Variants in NFILZ observed in about 807,000 individuals in gnomAD.
NFILZ encodes the protein NFIL3 like protein.
At chr19:8,663,748 G>GTATA (rs1227521950) in intron 3 of NFILZ, among the ~76,000 whole-genome samples, 2 of 139,376 alleles carry the variant, frequency 1.4e-5, no homozygotes, top group Non-Finnish European at 3.1e-5. Context: ...GTGTGTGTGT[G>GTATA]TGTGTGTGTG....
At chr19:8,663,754 G>GTGTGTGTGTGTGTGTATGTGTGTGTA (rs2043047836) in intron 3 of NFILZ, among the ~76,000 whole-genome samples, 29 of 117,562 alleles carry the variant, frequency 2.5e-4, no homozygotes, top group Admixed American at 1.0e-3. Context: ...GTGTGTGTGT[G>GTGTGTGTGTGTGTGTATGTGTGTGTA]TGTGTGTGTG....
chr19:8,652,934 TTC>T (rs1206933496), intron 3 of NFILZ, among the ~76,000 whole-genome samples: 2 of 144,774 alleles, frequency 1.4e-5, no homozygotes, highest in South Asian at 2.2e-4. Flanking sequence ...CTCTCTCTCT[TTC>T]TCTCTTTCTC....
intron 3 of NFILZ, among the ~76,000 whole-genome samples, chr19:8,651,438 C>T (rs1246011161): frequency 1.3e-5 from 2 of 151,318 alleles, no homozygotes; most frequent in Admixed American, 1.3e-4. Flanking sequence ...CTGGGATTAC[C>T]GGCGTGAGCC....
chr19:8,672,998 G>A (rs1365202150), intron 3 of NFILZ, among the ~76,000 whole-genome samples: 1 of 152,118 alleles, frequency 6.6e-6, no homozygotes, highest in South Asian at 2.1e-4. Context: ...GCCCAGGTGG[G>A]ATAGAAAATG....
intron 3 of NFILZ, among the ~76,000 whole-genome samples, chr19:8,657,334 C>T (rs1254961002): frequency 6.6e-6 from 1 of 151,810 alleles, no homozygotes; most frequent in Non-Finnish European, 1.5e-5. Flanking sequence ...GATCTCCTGA[C>T]CTCGTGATCC....
In NFILZ at chr19:8,634,812, C is replaced by T. The variant is rs552182140; in HGVS notation, c.-260-838C>T. Among the ~76,000 whole-genome samples the T allele has an allele frequency of 1.1e-4, 17 of 151,996 alleles. No individual in the cohort carries two copies. In the East Asian group the frequency reaches 3.1e-3, roughly 28 times the overall value. ...GGAGGATCACTTGAATCCGGGAAGTCGAGGCTGCATCAAGCCAAGATGGCC... is the reference window on the plus strand; with the variant it reads ...GGAGGATCACTTGAATCCGGGAAGTTGAGGCTGCATCAAGCCAAGATGGCC... On this transcript the variant is annotated intron_variant, in intron 2 of 5. Coordinates refer to ENST00000691075, the MANE Select transcript of NFILZ (RefSeq NM_001378600.1).
chr19:8,679,120 C>A lies in NFILZ; in HGVS notation c.*1485C>A, dbSNP rs2164983. Among the ~76,000 whole-genome samples, 28,591 of 151,570 alleles carry A rather than the reference C, an allele frequency of 0.19. 2,909 individuals carry two copies. The highest frequency in any genetic ancestry group is 0.24 in the Admixed American group (3,610 of 15,232). On this transcript the variant is annotated 3_prime_UTR_variant, in exon 6 of 6. Coordinates refer to ENST00000691075, the MANE Select transcript of NFILZ (RefSeq NM_001378600.1). ...CTGTGTGAGGGCATCAGTGTCCTCT[C>A]TCTCCCTGGCTGCCCCCTGCCCCTG...
Position 8,678,197 on chromosome 19 carries a change from C to CATCCACT in NFILZ, c.*562_*563insATCCACT, listed in dbSNP as rs1600158322. On this transcript the variant is annotated 3_prime_UTR_variant, in exon 6 of 6. Coordinates refer to ENST00000691075, the MANE Select transcript of NFILZ (RefSeq NM_001378600.1). ...TCCATCCATCCATCCATCCGTCCAT[C>CATCCACT]TATCCATCCATCCATTCATCCATCC... is the stretch of plus-strand genomic sequence containing the variant. 1.3e-5 allele frequency among the ~76,000 whole-genome samples: 1 copy of CATCCACT among 79,476 alleles called. No individual in the cohort carries two copies. The allele number at this position is 79,476 out of a possible 152,430, so 52.1% of individuals were successfully genotyped here.
At chr19:8,636,239 G>T (rs992462348) in intron 3 of NFILZ, among the ~76,000 whole-genome samples, 1 of 151,248 alleles carries the variant, frequency 6.6e-6, no homozygotes, top group African/African-American at 2.4e-5. Context: ...CACGGGGTCA[G>T]GAGTTCGAGA....
chr19:8,641,222 G>GC (rs1465529545), intron 3 of NFILZ, among the ~76,000 whole-genome samples: 1 of 147,376 alleles, frequency 6.8e-6, no homozygotes. Flanking sequence ...ACTAATGTTT[G>GC]TTTTTTTTTT....
chr19:8,663,746 G>GTATGTGTGTGTA (rs1555674956), intron 3 of NFILZ, among the ~76,000 whole-genome samples: 4 of 51,890 alleles, frequency 7.7e-5, no homozygotes, highest in Non-Finnish European at 1.3e-4. Flanking sequence ...GTGTGTGTGT[G>GTATGTGTGTGTA]TGTGTGTGTG....
At chr19:8,653,047 T>TCTCTCTCG in intron 3 of NFILZ, among the ~76,000 whole-genome samples, 1 of 69,888 alleles carries the variant, frequency 1.4e-5, no homozygotes, top group Non-Finnish European at 3.0e-5. Flanking sequence ...TTTCTCTCTC[T>TCTCTCTCG]CTCTCTCTCT....
chr19:8,636,343 G>A (rs1317365472), intron 3 of NFILZ, among the ~76,000 whole-genome samples: 6 of 151,028 alleles, frequency 4.0e-5, no homozygotes, highest in Admixed American at 3.3e-4. Flanking sequence ...AGCTACTTGG[G>A]AGGCTGAGGC....
chr19:8,636,379 C>T (rs570666255), intron 3 of NFILZ, among the ~76,000 whole-genome samples: 9 of 145,452 alleles, frequency 6.2e-5, no homozygotes, highest in Non-Finnish European at 1.2e-4. Context: ...ACCTGGGAGG[C>T]GGAGGTTGCA....
chr19:8,650,700 A>G (rs1358153891), intron 3 of NFILZ, among the ~76,000 whole-genome samples: 1 of 151,744 alleles, frequency 6.6e-6, no homozygotes, highest in Non-Finnish European at 1.5e-5. Flanking sequence ...AAGGAAACTC[A>G]TGCTAAAAAA....
chr19:8,659,905 G>C (rs1555748895), intron 3 of NFILZ, among the ~76,000 whole-genome samples: 1 of 152,112 alleles, frequency 6.6e-6, no homozygotes, highest in East Asian at 1.9e-4. Flanking sequence ...CCACCTCTAG[G>C]GTGGTGGGGG....
chr19:8,669,393 A>T (rs191126632), intron 3 of NFILZ, among the ~76,000 whole-genome samples: 3 of 152,276 alleles, frequency 2.0e-5, no homozygotes, highest in Admixed American at 6.5e-5. Context: ...TGCAGATGAG[A>T]CATTGGAAGC....
At chr19:8,650,451 T>G (rs1555747595) in intron 3 of NFILZ, among the ~76,000 whole-genome samples, 1 of 151,824 alleles carries the variant, frequency 6.6e-6, no homozygotes, top group African/African-American at 2.4e-5. Flanking sequence ...GGTCAGGAGT[T>G]TGAGACCAGC....
chr19:8,643,635 T>C (rs1471042106), intron 3 of NFILZ, among the ~76,000 whole-genome samples: 1 of 152,170 alleles, frequency 6.6e-6, no homozygotes, highest in Non-Finnish European at 1.5e-5. Flanking sequence ...ATAGGGACAT[T>C]GATCTTCTAC....
Sources: gnomAD v4.1 joint callset for allele counts (sites outside exome capture counted in the v4.1 genomes callset) on GRCh38, gnomAD v4.1.1 for gene constraint, MANE v1.5 for transcripts, NCBI Gene and HGNC (gene_info 2026-07-23, HGNC 2026-07-21) for gene names.